Variants in CFHR2 observed in about 807,000 individuals in gnomAD.
The protein encoded by CFHR2 is complement factor H related 2, also known as complement factor H-related protein 2.
In CFHR2, 22 loss-of-function variants were observed where a neutral mutation model predicts 21.7. The observed-to-expected ratio is 1.01, with a 90% CI of 0.72 to 1.45. The LOEUF (loss-of-function observed/expected upper bound fraction) is 1.45, where lower values mean the gene tolerates loss of function less well. Among genes scored for constraint, CFHR2 ranks in the 40% most tolerant of loss-of-function variants. CFHR2 has a pLI of 0.00. For missense variants in CFHR2, 294 were observed against 293.3 expected, an observed-to-expected ratio of 1.00 and a Z score of -0.02; for synonymous variants, 98 against 97.4, an observed-to-expected ratio of 1.01 and a Z score of -0.04.
chr1:196,952,790 C>T (rs1652670400), intron 3 of CFHR2, among the ~76,000 whole-genome samples: 1 of 152,212 alleles, frequency 6.6e-6, no homozygotes, highest in Admixed American at 6.5e-5. Context: ...CATTTAGAAA[C>T]TAAGTTGCCA....
At chr1:196,956,233 C>G (rs1384788598) in intron 3 of CFHR2, among the ~76,000 whole-genome samples, 3 of 152,200 alleles carry the variant, frequency 2.0e-5, no homozygotes, top group African/African-American at 7.2e-5. Context: ...AGAGCAATCT[C>G]AAGTGCTCCA....
At chr1:196,945,777 AGT>A (rs201838824) in intron 1 of CFHR2, among the ~76,000 whole-genome samples, 42,546 of 142,624 alleles carry the variant, frequency 0.3, 6,649 homozygotes, top group East Asian at 0.67. Context: ...ACTGTGAGTG[AGT>A]GTGTGTGTGT....
intron 3 of CFHR2, among the ~76,000 whole-genome samples, chr1:196,954,858 C>T (rs564348653): frequency 1.3e-5 from 2 of 152,330 alleles, no homozygotes; most frequent in African/African-American, 4.8e-5. Flanking sequence ...TGAGGCTGCA[C>T]ACAGCAGCAG....
In CFHR2 at chr1:196,959,061, C is replaced by T. The variant is rs749971724; in HGVS notation, c.794C>T (p.Pro265Leu). ...AMCQNGKLVY[P>L]SCEEK is the part of the protein sequence containing the mutation. The stretch of plus-strand genomic sequence containing the variant: ...TGTCAGAATGGGAAACTGGTATATC[C>T]CAGTTGTGAAGAAAAATAGAATCAA... The change falls in exon 5 of 5, where the codon CCC (proline) becomes CTC (leucine). Residue 265 changes from proline to leucine, a missense_variant. Pro to Leu is a moderately conservative substitution (Grantham distance 98, BLOSUM62 -3). Coordinates refer to ENST00000367415, the MANE Select transcript of CFHR2 (RefSeq NM_005666.4). The T allele has an allele frequency of 1.9e-6, 3 of 1,604,966 alleles. No individual in the cohort carries two copies. The East Asian group carries it at 6.7e-5, about 36-fold the overall frequency.
At chr1:196,958,225 A>G in intron 4 of CFHR2, 152 bp downstream of exon 4, 1 of 594,014 alleles carries the variant, frequency 1.7e-6, no homozygotes, top group Non-Finnish European at 2.6e-6. Flanking sequence ...TGTAAAGTTT[A>G]GAAATTTTTC....
At chr1:196,956,773 T>C (rs1045889704) in intron 3 of CFHR2, among the ~76,000 whole-genome samples, 1 of 152,204 alleles carries the variant, frequency 6.6e-6, no homozygotes, top group African/African-American at 2.4e-5. Flanking sequence ...AATTGTCTTT[T>C]CCCTTTTGAG....
intron 1 of CFHR2, among the ~76,000 whole-genome samples, chr1:196,946,758 A>G (rs1659508704): frequency 6.6e-6 from 1 of 152,226 alleles, no homozygotes; most frequent in African/African-American, 2.4e-5. Flanking sequence ...GATCTGCCTC[A>G]GGAAACATTA....
At chr1:196,944,346 A>T (rs1267674359) in intron 1 of CFHR2, among the ~76,000 whole-genome samples, 1 of 151,662 alleles carries the variant, frequency 6.6e-6, no homozygotes. Context: ...TTGATCATTT[A>T]AATTTTAAAG....
intron 4 of CFHR2, 69 bp downstream of exon 4, chr1:196,958,142 T>C (rs1442932637): frequency 6.8e-7 from 1 of 1,468,064 alleles, no homozygotes. Flanking sequence ...TCACTGTTTG[T>C]AATAGAATTT....
intron 4 of CFHR2, 41 bp downstream of exon 4, chr1:196,958,114 T>C: frequency 6.4e-7 from 1 of 1,568,456 alleles, no homozygotes; most frequent in South Asian, 1.1e-5. Context: ...GAAAAATCAG[T>C]GTGATGAGTC....
chr1:196,952,418 G>T lies in CFHR2; in HGVS notation c.430+1390G>T, dbSNP rs141154302. Among the ~76,000 whole-genome samples the T allele has an allele frequency of 6.1e-4, 91 of 148,288 alleles. 1 individual carries two copies. The East Asian group carries it at 0.016, about 27-fold the overall frequency. ...AATATTTGCAAAAAACAAAAAAAAA[G>T]AACAAATGTTATGAATACCAGAAAA... On this transcript the variant is annotated intron_variant, in intron 3 of 4. Transcript: ENST00000367415.
chr1:196,951,586 G>A (rs543714742), intron 3 of CFHR2, among the ~76,000 whole-genome samples: 42 of 152,194 alleles, frequency 2.8e-4, no homozygotes, highest in African/African-American at 7.2e-4. Context: ...GTGAACTCTT[G>A]CAATTCTTCG....
Sources: gnomAD v4.1 joint callset for allele counts (sites outside exome capture counted in the v4.1 genomes callset) on GRCh38, gnomAD v4.1.1 for gene constraint, MANE v1.5 for transcripts, NCBI Gene and HGNC (gene_info 2026-07-23, HGNC 2026-07-21) for gene names.